FYN: variants seen among roughly 807,000 people sequenced by gnomAD.
FYN encodes tyrosine-protein kinase Fyn.
A neutral mutation model predicts 70.2 loss-of-function variants in FYN; 10 were observed. The ratio of observed to expected loss-of-function variants is 0.14; its 90% CI spans 0.09 to 0.24. The LOEUF is 0.24. Among genes scored for constraint, FYN ranks in the 10% least tolerant of loss-of-function variants. The pLI is 1.00. For synonymous variants in FYN, 236 were observed against 248.6 expected (o/e 0.95, Z 0.48); for missense variants, 319 against 673.1 (o/e 0.47, Z 5.82).
chr6:111,800,788 C>T (rs899976998), intron 2 of FYN, among the ~76,000 whole-genome samples: 1 of 152,180 alleles, frequency 6.6e-6, no homozygotes, highest in Admixed American at 6.5e-5. Flanking sequence ...CCCACATCTC[C>T]AGTTCTCTCC....
chr6:111,688,666 C>T (rs1799149859), intron 12 of FYN, among the ~76,000 whole-genome samples: 1 of 151,734 alleles, frequency 6.6e-6, no homozygotes, highest in South Asian at 2.1e-4. Context: ...CTCATGTGTG[C>T]TCATGTTGAT....
At chr6:111,812,696 G>A (rs1223894412) in intron 2 of FYN, among the ~76,000 whole-genome samples, 1 of 148,940 alleles carries the variant, frequency 6.7e-6, no homozygotes, top group Admixed American at 6.7e-5. Flanking sequence ...CAGGTCATGG[G>A]CACAGAATGA....
Position 111,692,109 on chromosome 6 carries a change from C to A in FYN, c.1273+2266G>T, listed in dbSNP as rs375127464. Among the ~76,000 whole-genome samples, 232 of 144,224 alleles carry A rather than the reference C, an allele frequency of 1.6e-3. 1 individual carries two copies. The highest frequency in any genetic ancestry group is 2.7e-3 in the South Asian group (12 of 4,436). The allele number at this position is 144,224 out of a possible 152,430, so 94.6% of individuals were successfully genotyped here. A position where few individuals can be genotyped will look rare whatever the true frequency, so the allele number is the denominator to read the frequency against. On this transcript the variant is annotated intron_variant, in intron 12 of 13. Coordinates refer to ENST00000354650, the MANE Select transcript of FYN (RefSeq NM_002037.5). ...CCTTGCCAAGCTTCATTTCCCCCCC[C>A]CCCAGTTCAGCTCTCCAGTTCACTT...
At chr6:111,782,067 C>G (rs1197318470) in intron 2 of FYN, among the ~76,000 whole-genome samples, 1 of 152,196 alleles carries the variant, frequency 6.6e-6, no homozygotes, top group Non-Finnish European at 1.5e-5. Flanking sequence ...CATCGGCCCC[C>G]TGAATTACAT....
intron 8 of FYN, among the ~76,000 whole-genome samples, chr6:111,700,917 G>A (rs989837995): frequency 7.9e-5 from 12 of 151,616 alleles, no homozygotes; most frequent in Non-Finnish European, 1.5e-4. Flanking sequence ...TGATTTCTTC[G>A]CTTTCTAACT....
intron 3 of FYN, among the ~76,000 whole-genome samples, chr6:111,757,127 G>C (rs1171721807): frequency 6.6e-6 from 1 of 152,148 alleles, no homozygotes; most frequent in Non-Finnish European, 1.5e-5. Flanking sequence ...TAAATTATTA[G>C]AATTGATAAG....
chr6:111,672,888 C>T (rs1188101555), intron 13 of FYN, among the ~76,000 whole-genome samples: 1 of 152,168 alleles, frequency 6.6e-6, no homozygotes, highest in Non-Finnish European at 1.5e-5. Context: ...AAAAGACTCC[C>T]TCAGAAACAC....
intron 13 of FYN, among the ~76,000 whole-genome samples, chr6:111,674,083 G>C (rs1438249468): frequency 6.6e-6 from 1 of 152,168 alleles, no homozygotes; most frequent in Non-Finnish European, 1.5e-5. Flanking sequence ...CACTCCATGG[G>C]TCAGTGCTAC....
chr6:111,750,277 T>C (rs933997840), intron 3 of FYN, among the ~76,000 whole-genome samples: 1 of 152,234 alleles, frequency 6.6e-6, no homozygotes, highest in Non-Finnish European at 1.5e-5. Flanking sequence ...TCCTCCTTGG[T>C]ACTGTCCTCA....
chr6:111,700,191 T>TGACA lies in FYN; in HGVS notation c.771_774dup (p.Lys259CysfsTer45). ...GGGATTTCCCAGACATCTTTGGTTT[T>TGACA]GACAGACAGATCGGTAAGCCTTGGC... On this transcript the variant is annotated frameshift_variant, in exon 9 of 14. Transcript: ENST00000354650. LOFTEE classifies it high-confidence loss of function. 6.2e-7 allele frequency: 1 copy of TGACA among 1,614,154 alleles called. No homozygotes were observed. The highest frequency in any genetic ancestry group is 8.5e-7 in the Non-Finnish European group (1 of 1,180,014).
At chr6:111,789,329 C>T (rs1771520375) in intron 2 of FYN, among the ~76,000 whole-genome samples, 1 of 152,088 alleles carries the variant, frequency 6.6e-6, no homozygotes, top group African/African-American at 2.4e-5. Context: ...GGCTCATTGG[C>T]ACACATGGGT....
chr6:111,800,430 A>G (rs879741546), intron 2 of FYN, among the ~76,000 whole-genome samples: 1 of 152,074 alleles, frequency 6.6e-6, no homozygotes, highest in Non-Finnish European at 1.5e-5. Context: ...CACTCACGGG[A>G]GTGGAGCAGG....
chr6:111,729,265 G>A (rs186548000), intron 3 of FYN, among the ~76,000 whole-genome samples: 219 of 152,228 alleles, frequency 1.4e-3, no homozygotes, highest in Non-Finnish European at 2.9e-3. Flanking sequence ...CTTGAGGCCA[G>A]GAGTTCAAGA....
chr6:111,668,298 A>G (rs1798102213), intron 13 of FYN, among the ~76,000 whole-genome samples: 1 of 152,194 alleles, frequency 6.6e-6, no homozygotes, highest in African/African-American at 2.4e-5. Context: ...GTGGATGAGA[A>G]TAAAGAACTT....
chr6:111,810,542 C>T (rs763213466), intron 2 of FYN, among the ~76,000 whole-genome samples: 13 of 152,182 alleles, frequency 8.5e-5, no homozygotes, highest in African/African-American at 1.7e-4. Context: ...CACCCAAACC[C>T]GCAAACTCTA....
At chr6:111,806,120 A>G (rs904022591) in intron 2 of FYN, among the ~76,000 whole-genome samples, 2 of 152,340 alleles carry the variant, frequency 1.3e-5, no homozygotes, top group East Asian at 3.9e-4. Flanking sequence ...CCCCAGCACT[A>G]GCATCTAATT....
At chr6:111,714,634 G>T in intron 4 of FYN, 191 bp from the exon 5 acceptor site, 1 of 580,560 alleles carries the variant, frequency 1.7e-6, no homozygotes, top group East Asian at 2.8e-5. Flanking sequence ...TCTTTGTAGG[G>T]GAAGCCTTAC....
intron 3 of FYN, among the ~76,000 whole-genome samples, chr6:111,774,087 C>T (rs1803610630): frequency 6.6e-6 from 1 of 152,206 alleles, no homozygotes; most frequent in African/African-American, 2.4e-5. Context: ...ACAGTACTCT[C>T]TCTCACACCT....
chr6:111,734,561 G>A (rs1021878132), intron 3 of FYN, among the ~76,000 whole-genome samples: 2 of 152,082 alleles, frequency 1.3e-5, no homozygotes, highest in Non-Finnish European at 2.9e-5. Flanking sequence ...CTGTGGTCTT[G>A]ACCCTCCTCC....
Sources: gnomAD v4.1 joint callset for allele counts (sites outside exome capture counted in the v4.1 genomes callset) on GRCh38, gnomAD v4.1.1 for gene constraint, MANE v1.5 for transcripts, NCBI Gene and HGNC (gene_info 2026-07-23, HGNC 2026-07-21) for gene names.